Variants in FRMPD3 observed in about 807,000 individuals in gnomAD.
The protein encoded by FRMPD3 is FERM and PDZ domain containing 3.
Under a neutral mutation model 97.9 loss-of-function variants are expected in FRMPD3, and 42 were observed. That is an observed-to-expected ratio of 0.43 (90% CI 0.34 to 0.55). The LOEUF (loss-of-function observed/expected upper bound fraction) is 0.55, where lower values mean the gene tolerates loss of function less well. Ranked by LOEUF, FRMPD3 falls within the 20% of genes least tolerant of loss-of-function variation. The probability of loss-of-function intolerance (pLI) is 0.03; values close to 1 mark genes in which losing one functional copy is unlikely to be tolerated. For synonymous variants in FRMPD3, 577 were observed against 581.1 expected, an observed-to-expected ratio of 0.99 and a Z score of 0.10; for missense variants, 1,303 against 1,457.7, an observed-to-expected ratio of 0.89 and a Z score of 1.73.
chrX:107,568,291 A>G (rs1362388947), intron 12 of FRMPD3, among the ~76,000 whole-genome samples: 1 of 107,491 alleles, frequency 9.3e-6, no homozygotes, highest in Non-Finnish European at 1.9e-5. Context: ...TTTGTTACAT[A>G]TGTATACATG....
At chrX:107,452,247 T>C (rs986630577) in intron 1 of FRMPD3, among the ~76,000 whole-genome samples, 1 of 110,124 alleles carries the variant, frequency 9.1e-6, no homozygotes, top group Non-Finnish European at 1.9e-5. Flanking sequence ...TGTGTGGGAG[T>C]GAGGGTGTCA....
At chrX:107,579,310 T>C (rs1305027436) in intron 13 of FRMPD3, among the ~76,000 whole-genome samples, 3 of 111,707 alleles carry the variant, frequency 2.7e-5, no homozygotes, top group Non-Finnish European at 5.6e-5. Flanking sequence ...ACTGGGAAAG[T>C]GAAAACATCA....
At chrX:107,529,822 C>G (rs1411845613) in intron 2 of FRMPD3, among the ~76,000 whole-genome samples, 2 of 111,684 alleles carry the variant, frequency 1.8e-5, no homozygotes, top group South Asian at 7.6e-4. Context: ...GTCCTCCTTT[C>G]GCCTGACCAC....
chrX:107,533,235 A>G (rs73522826), intron 3 of FRMPD3, among the ~76,000 whole-genome samples: 11,131 of 111,628 alleles, frequency 0.1, 1,257 homozygotes, highest in African/African-American at 0.33. Flanking sequence ...AGAGTATGTG[A>G]GAAGGAATAT....
At position 107,601,668 on chromosome X, in the gene FRMPD3, C is replaced by G; in HGVS notation, c.3629C>G (p.Ser1210Cys). ...GAAGGCCCTGCCAAACCCAAGTCAT[C>G]CCGAGGTCCTTTCCGGCTACGCAAT... ...TSEGPAKPKS[S>C]RGPFRLRNLF... is the part of the protein sequence containing the mutation. Residue 1210 changes from serine to cysteine, a missense_variant, in exon 15 of 15, where the codon TCC becomes TGC. Coordinates refer to ENST00000683843, the MANE Select transcript of FRMPD3 (RefSeq NM_001388459.1). 1.7e-6 allele frequency: 2 copies of G among 1,211,319 alleles called. No individual in the cohort carries two copies. The highest frequency in any genetic ancestry group is 2.2e-6 in the Non-Finnish European group (2 of 895,517).
chrX:107,595,937 CAAA>C (rs377196495), intron 13 of FRMPD3, among the ~76,000 whole-genome samples: 1 of 51,574 alleles, frequency 1.9e-5, no homozygotes. Context: ...GACTCCGTCT[CAAA>C]AAAAAAAAAA....
intron 1 of FRMPD3, chrX:107,522,310 C>G (rs1374980319): frequency 2.0e-6 from 1 of 496,114 alleles, no homozygotes; most frequent in Non-Finnish European, 3.6e-6. Context: ...CTAAGTGCTT[C>G]TGTAACCATG....
chrX:107,528,164 C>T (rs992800829), intron 2 of FRMPD3, among the ~76,000 whole-genome samples: 2 of 111,632 alleles, frequency 1.8e-5, no homozygotes, highest in African/African-American at 3.3e-5. Flanking sequence ...GCATGCATAG[C>T]CCTATAAAAG....
chrX:107,601,137 G>A lies in FRMPD3; in HGVS notation c.3098G>A (p.Ser1033Asn), dbSNP rs1924483327. The A allele has an allele frequency of 1.7e-6, 2 of 1,208,962 alleles. No homozygotes were observed. Among genetic ancestry groups the A allele is most frequent in the South Asian group, 3.5e-5 (2 of 56,784 alleles). The change falls in exon 15 of 15, where the codon AGC becomes AAC. Residue 1033 changes from serine to asparagine, a missense_variant. Coordinates refer to ENST00000683843, the MANE Select transcript of FRMPD3 (RefSeq NM_001388459.1). Reference sequence around the variant, plus strand: ...CAGCTGGGTGCAGAGGTCTCTTCCAGCCCCAGAGCACCCACAGGCAGCCGG... The same window carrying A: ...CAGCTGGGTGCAGAGGTCTCTTCCAACCCCAGAGCACCCACAGGCAGCCGG... ...QHQLGAEVSS[S>N]PRAPTGSRAD...
intron 7 of FRMPD3, 55 bp from the exon 8 acceptor site, chrX:107,554,330 C>G (rs1921987646): frequency 1.7e-6 from 2 of 1,164,727 alleles, no homozygotes; most frequent in South Asian, 1.9e-5. Flanking sequence ...AGCCCAACAC[C>G]CCAGCCATTG....
chrX:107,566,532 G>C (rs753254667), intron 12 of FRMPD3, among the ~76,000 whole-genome samples: 1 of 112,210 alleles, frequency 8.9e-6, no homozygotes, highest in East Asian at 2.8e-4. Context: ...AGGCATGCAG[G>C]GGAGATGTGG....
At chrX:107,470,023 G>A (rs1921016191) in intron 1 of FRMPD3, among the ~76,000 whole-genome samples, 1 of 111,624 alleles carries the variant, frequency 9.0e-6, no homozygotes, top group South Asian at 3.8e-4. Flanking sequence ...AAAATCCCCA[G>A]TGTTCATTAG....
At chrX:107,501,634 C>G (rs1830135113) in intron 1 of FRMPD3, among the ~76,000 whole-genome samples, 2 of 102,908 alleles carry the variant, frequency 1.9e-5, no homozygotes, top group Admixed American at 2.2e-4. Flanking sequence ...ACATAGGGGC[C>G]TGACCCTCAG....
Position 107,475,987 on chromosome X carries a change from G to A in FRMPD3, c.-8+25982G>A, listed in dbSNP as rs990311027. 3.6e-5 allele frequency among the ~76,000 whole-genome samples: 4 copies of A among 112,209 alleles called. 1 individual carries two copies. The highest frequency in any genetic ancestry group is 1.3e-4 in the African/African-American group (4 of 30,920). ...TAACCTCCGCCTCCTGGGTTCAAGC[G>A]ATTCTCCTGCCTCAGCCTCCCGAGT... is the stretch of plus-strand genomic sequence containing the variant. On this transcript the variant is annotated intron_variant, in intron 1 of 14. Coordinates refer to ENST00000683843, the MANE Select transcript of FRMPD3 (RefSeq NM_001388459.1).
chrX:107,591,362 G>A (rs1032653450), intron 13 of FRMPD3, among the ~76,000 whole-genome samples: 2 of 111,034 alleles, frequency 1.8e-5, no homozygotes, highest in Admixed American at 1.9e-4. Flanking sequence ...TCACCCTGTT[G>A]GTTGGGCTGG....
intron 1 of FRMPD3, among the ~76,000 whole-genome samples, chrX:107,463,439 C>T (rs1025849509): frequency 1.1e-4 from 12 of 112,234 alleles, no homozygotes; most frequent in African/African-American, 3.9e-4. Context: ...AGACCCAGTT[C>T]CTTTATCTGC....
At chrX:107,516,568 C>G (rs1292480149) in intron 1 of FRMPD3, among the ~76,000 whole-genome samples, 1 of 111,556 alleles carries the variant, frequency 9.0e-6, no homozygotes, top group East Asian at 2.8e-4. Flanking sequence ...GATCGCCATT[C>G]GAACTGGTGT....
chrX:107,579,998 C>T (rs1039808044), intron 13 of FRMPD3, among the ~76,000 whole-genome samples: 2 of 111,898 alleles, frequency 1.8e-5, no homozygotes, highest in African/African-American at 6.5e-5. Flanking sequence ...TCAGAAAGAA[C>T]ATGAGATTCT....
intron 1 of FRMPD3, among the ~76,000 whole-genome samples, chrX:107,511,956 A>G (rs1922177376): frequency 9.2e-6 from 1 of 108,791 alleles, no homozygotes; most frequent in Non-Finnish European, 1.9e-5. Flanking sequence ...TTCCCTGCCA[A>G]CTCCACTTTT....
Sources: allele counts gnomAD v4.1 joint callset (sites outside exome capture counted in the v4.1 genomes callset), GRCh38; gene constraint gnomAD v4.1.1; transcripts MANE v1.5; gene names NCBI Gene and HGNC (gene_info 2026-07-23, HGNC 2026-07-21).